The following EEPD1 variants were observed in gnomAD, a reference collection of about 807,000 sequenced individuals.
The protein encoded by EEPD1 is endonuclease/exonuclease/phosphatase family domain-containing protein 1.
Under a neutral mutation model 46.3 loss-of-function variants are expected in EEPD1, and 17 were observed. That is an observed-to-expected ratio of 0.37 (90% confidence interval 0.25 to 0.55). The LOEUF is 0.55. EEPD1 is among the 20% of genes least tolerant of loss of function. The probability of loss-of-function intolerance (pLI) is 0.83; values close to 1 mark genes in which losing one functional copy is unlikely to be tolerated. For missense variants in EEPD1, 673 were observed against 745.6 expected (o/e 0.90, Z 1.13); for synonymous variants, 313 against 315.6 (o/e 0.99, Z 0.09).
intron 2 of EEPD1, among the ~76,000 whole-genome samples, chr7:36,194,700 C>T (rs975334495): frequency 6.6e-6 from 1 of 152,130 alleles, no homozygotes; most frequent in Non-Finnish European, 1.5e-5. Flanking sequence ...CCCGGAAGAG[C>T]GAAGGAATTG....
At chr7:36,219,862 C>T (rs987133794) in intron 2 of EEPD1, among the ~76,000 whole-genome samples, 2 of 148,658 alleles carry the variant, frequency 1.3e-5, no homozygotes, top group African/African-American at 5.0e-5. Context: ...GGCTTGGATA[C>T]ACATAAAGAG....
chr7:36,197,220 C>T (rs945070119), intron 2 of EEPD1, among the ~76,000 whole-genome samples: 1 of 150,808 alleles, frequency 6.6e-6, no homozygotes, highest in Admixed American at 6.6e-5. Context: ...GCCCGGCAGC[C>T]ACCCCGTCCG....
chr7:36,196,805 G>A (rs913548113), intron 2 of EEPD1, among the ~76,000 whole-genome samples: 6 of 152,174 alleles, frequency 3.9e-5, no homozygotes, highest in African/African-American at 7.2e-5. Flanking sequence ...CCCAAAGTGC[G>A]AAGATTGCAG....
chr7:36,246,600 A>G (rs994752454), intron 3 of EEPD1, among the ~76,000 whole-genome samples: 5 of 152,148 alleles, frequency 3.3e-5, no homozygotes, highest in East Asian at 1.9e-4. Context: ...ATCTGTTGCC[A>G]TTAAAAGATG....
intron 2 of EEPD1, among the ~76,000 whole-genome samples, chr7:36,206,459 C>T (rs527300785): frequency 2.0e-5 from 3 of 152,232 alleles, no homozygotes; most frequent in African/African-American, 7.2e-5. Context: ...CATCTCAACT[C>T]AGATCTGCCG....
At chr7:36,244,891 G>C (rs6943929) in intron 3 of EEPD1, among the ~76,000 whole-genome samples, 70,649 of 150,262 alleles carry the variant, frequency 0.47, 16,795 homozygotes, top group Non-Finnish European at 0.5. Context: ...TCCTGCCTCA[G>C]CCTCCTGAGT....
chr7:36,154,820 C>A lies in EEPD1; in HGVS notation c.496C>A (p.Arg166Ser), dbSNP rs751323453. ...GGCCCTCAGCATCGTGGACTTCCGC[C>A]GTGAGCATGGGCCCTTTCGCAGCGT... Reference protein sequence around the residue: ...KMALSIVDFRREHGPFRSVED... With the variant: ...KMALSIVDFRSEHGPFRSVED... The change falls in exon 2 of 8, where the codon CGT becomes AGT. Residue 166 changes from arginine (R) to serine (S), a missense_variant. By Grantham distance (110) the Arg-to-Ser change is moderately radical (BLOSUM62 -1). Transcript: ENST00000242108. This position sits in a 1 kb window ranked among gnomAD's most constrained non-coding sequence, Gnocchi z 4.2. 3 of 1,614,194 alleles carry A rather than the reference C, an allele frequency of 1.9e-6. No individual in the cohort carries two copies. In the South Asian group the frequency reaches 3.3e-5, roughly 18 times the overall value.
chr7:36,246,685 A>T (rs986213005), intron 3 of EEPD1, among the ~76,000 whole-genome samples: 1 of 152,000 alleles, frequency 6.6e-6, no homozygotes, highest in Non-Finnish European at 1.5e-5. Context: ...CTCCCTGCTG[A>T]TAGGTGTTTT....
chr7:36,179,778 T>TCTGTA (rs1785242314), intron 2 of EEPD1, among the ~76,000 whole-genome samples: 1 of 151,520 alleles, frequency 6.6e-6, no homozygotes, highest in Non-Finnish European at 1.5e-5. Flanking sequence ...TAGAACTGTA[T>TCTGTA]CTGTACAGTG....
intron 2 of EEPD1, among the ~76,000 whole-genome samples, chr7:36,188,156 T>C (rs1785395698): frequency 6.6e-6 from 1 of 152,208 alleles, no homozygotes; most frequent in Admixed American, 6.5e-5. Flanking sequence ...TGGGTACAAA[T>C]TTACACCAAT....
intron 2 of EEPD1, among the ~76,000 whole-genome samples, chr7:36,171,978 CAT>C (rs1341898240): frequency 2.0e-5 from 3 of 152,046 alleles, no homozygotes; most frequent in Admixed American, 1.3e-4. Flanking sequence ...ATATTTAAAA[CAT>C]AAAAAAATGC....
chr7:36,252,906 GA>G (rs1786774131), intron 3 of EEPD1, among the ~76,000 whole-genome samples: 1 of 117,544 alleles, frequency 8.5e-6, no homozygotes, highest in Non-Finnish European at 1.7e-5. Flanking sequence ...ACTTCTCAAA[GA>G]ACATTTGGTT....
chr7:36,268,234 C>T (rs570887980), intron 3 of EEPD1, among the ~76,000 whole-genome samples: 1 of 151,618 alleles, frequency 6.6e-6, no homozygotes, highest in Admixed American at 6.6e-5. Flanking sequence ...TCACTGCAAC[C>T]TCTGCCTCGC....
At chr7:36,270,630 A>G (rs1787088342) in intron 3 of EEPD1, among the ~76,000 whole-genome samples, 1 of 152,240 alleles carries the variant, frequency 6.6e-6, no homozygotes, top group South Asian at 2.1e-4. Context: ...TGCAAAGGAC[A>G]TGAACTCATC....
intron 4 of EEPD1, among the ~76,000 whole-genome samples, chr7:36,283,076 G>A (rs1479727948): frequency 6.6e-6 from 1 of 152,182 alleles, no homozygotes; most frequent in Non-Finnish European, 1.5e-5. Context: ...CCAGAGGGGT[G>A]GTTTCCAGCT....
chr7:36,208,621 A>G lies in EEPD1; in HGVS notation c.879-30364A>G, dbSNP rs139257921. ...GTCTGGTAGAGTTTGAGAAACAGGA[A>G]GGCAGATGGGCCCCCTATCCCTCTG... On this transcript the variant is annotated intron_variant, in intron 2 of 7. Transcript: ENST00000242108. Among the ~76,000 whole-genome samples the G allele has an allele frequency of 5.9e-5, 9 of 152,350 alleles. No individual in the cohort carries two copies. The East Asian group carries it at 1.7e-3, about 29-fold the overall frequency.
chr7:36,285,022 G>A (rs1327845810), intron 5 of EEPD1, among the ~76,000 whole-genome samples: 1 of 152,168 alleles, frequency 6.6e-6, no homozygotes, highest in African/African-American at 2.4e-5. Context: ...GGGATTTTGA[G>A]ACAGCCCCAG....
intron 2 of EEPD1, among the ~76,000 whole-genome samples, chr7:36,196,130 A>G (rs1785578208): frequency 6.6e-6 from 1 of 152,194 alleles, no homozygotes; most frequent in Non-Finnish European, 1.5e-5. Flanking sequence ...AAAATATTGT[A>G]TAAAAGATAA....
intron 3 of EEPD1, among the ~76,000 whole-genome samples, chr7:36,266,158 A>C (rs1190830282): frequency 6.6e-6 from 1 of 152,186 alleles, no homozygotes; most frequent in Non-Finnish European, 1.5e-5. Context: ...AATCCTCCAG[A>C]AATCAGTGCT....
Sources: gnomAD v4.1 joint callset for allele counts (sites outside exome capture counted in the v4.1 genomes callset) on GRCh38, gnomAD v4.1.1 for gene constraint, Gnocchi (gnomAD v3.1) non-coding constraint, MANE v1.5 for transcripts, NCBI Gene and HGNC (gene_info 2026-07-23, HGNC 2026-07-21) for gene names.